Variants in GRM7 observed in about 807,000 individuals in gnomAD.
GRM7 encodes glutamate metabotropic receptor 7.
Under a neutral mutation model 84.5 loss-of-function variants are expected in GRM7, and 35 were observed. That is an observed-to-expected ratio of 0.41 (90% CI 0.32 to 0.55). GRM7 has a LOEUF of 0.55. Ranked by LOEUF, GRM7 falls within the 20% of genes least tolerant of loss-of-function variation. The pLI, the probability that GRM7 is intolerant of heterozygous loss-of-function variation, is 0.19. For missense variants in GRM7, 1,003 were observed against 1,194.6 expected (o/e 0.84, Z 2.36); for synonymous variants, 487 against 455.1 (o/e 1.07, Z -0.89).
chr3:7,736,912 G>A (rs1192199068), intron 9 of GRM7, among the ~76,000 whole-genome samples: 1 of 152,120 alleles, frequency 6.6e-6, no homozygotes, highest in Non-Finnish European at 1.5e-5. Context: ...ATAAGCTACA[G>A]TATTTCTTAT....
chr3:7,054,760 T>G (rs548378095), intron 1 of GRM7, among the ~76,000 whole-genome samples: 1 of 152,018 alleles, frequency 6.6e-6, no homozygotes, highest in East Asian at 1.9e-4. Flanking sequence ...TTTCTCTCTC[T>G]CTACCCATCG....
intron 2 of GRM7, among the ~76,000 whole-genome samples, chr3:7,193,697 T>C (rs771793204): frequency 3.3e-5 from 5 of 152,128 alleles, no homozygotes; most frequent in Non-Finnish European, 5.9e-5. Context: ...TCCCTTTTTC[T>C]GTCTTTCACT....
intron 7 of GRM7, among the ~76,000 whole-genome samples, chr3:7,557,757 A>G (rs969275040): frequency 7.2e-5 from 11 of 152,220 alleles, no homozygotes; most frequent in African/African-American, 2.7e-4. Flanking sequence ...AACTAAAATT[A>G]TTAAAAATAA....
intron 2 of GRM7, among the ~76,000 whole-genome samples, chr3:7,236,232 T>G (rs772572278): frequency 3.9e-5 from 6 of 152,198 alleles, no homozygotes; most frequent in Non-Finnish European, 5.9e-5. Context: ...ACATGAATAT[T>G]AGAGAGAAAC....
chr3:7,176,488 G>A (rs1400166), intron 2 of GRM7, among the ~76,000 whole-genome samples: 50,505 of 151,848 alleles, frequency 0.33, 9,148 homozygotes, highest in African/African-American at 0.49. Context: ...TCATCCTTTC[G>A]TCTTTATTCA....
In GRM7 at chr3:7,282,289, G is replaced by A. The variant is rs1699279619; in HGVS notation, c.737-16395G>A. ...GGTTAGAAGTCTAAAATATGCCTCA[G>A]TGGTCTAAAATCAACATGTCGGTGG... On this transcript the variant is annotated intron_variant, in intron 2 of 9. Transcript: ENST00000357716. Among the ~76,000 whole-genome samples, 6 of 152,282 alleles carry A rather than the reference G, an allele frequency of 3.9e-5. No individual in the cohort carries two copies. In the South Asian group the frequency reaches 1.2e-3, roughly 32 times the overall value.
At chr3:7,022,969 C>T (rs1353037475) in intron 1 of GRM7, among the ~76,000 whole-genome samples, 12 of 151,942 alleles carry the variant, frequency 7.9e-5, no homozygotes, top group Non-Finnish European at 1.8e-4. Context: ...CCCTTTTTCA[C>T]AGGGGAGAGT....
At chr3:7,180,966 A>G (rs1695317006) in intron 2 of GRM7, among the ~76,000 whole-genome samples, 1 of 152,162 alleles carries the variant, frequency 6.6e-6, no homozygotes, top group Admixed American at 6.5e-5. Flanking sequence ...TTACTTTGGA[A>G]TTGGGTAAAA....
intron 7 of GRM7, among the ~76,000 whole-genome samples, chr3:7,554,748 C>T (rs956654189): frequency 6.6e-6 from 1 of 152,162 alleles, no homozygotes; most frequent in East Asian, 1.9e-4. Context: ...TGAGGGCCTC[C>T]TCCCTTCTCT....
chr3:7,560,097 A>G (rs535031586), intron 7 of GRM7, among the ~76,000 whole-genome samples: 154 of 152,220 alleles, frequency 1.0e-3, no homozygotes, highest in Non-Finnish European at 1.9e-3. Flanking sequence ...AATCCCTACT[A>G]TCAGGCTTTA....
chr3:7,331,420 A>C (rs983740576), intron 4 of GRM7, among the ~76,000 whole-genome samples: 3 of 152,246 alleles, frequency 2.0e-5, no homozygotes, highest in African/African-American at 7.2e-5. Flanking sequence ...ATAATCAAAC[A>C]ATTTGAAGGA....
intron 7 of GRM7, among the ~76,000 whole-genome samples, chr3:7,502,406 T>C (rs995503048): frequency 9.2e-5 from 14 of 152,186 alleles, no homozygotes; most frequent in African/African-American, 3.1e-4. Flanking sequence ...ACAAAATAAG[T>C]CTGTTTTCTC....
intron 4 of GRM7, among the ~76,000 whole-genome samples, chr3:7,401,952 T>C (rs1348979182): frequency 6.6e-6 from 1 of 152,192 alleles, no homozygotes; most frequent in African/African-American, 2.4e-5. Flanking sequence ...GGATGTCCTA[T>C]AGAATCCAAG....
chr3:7,391,350 A>G (rs974294552), intron 4 of GRM7, among the ~76,000 whole-genome samples: 2 of 152,208 alleles, frequency 1.3e-5, no homozygotes, highest in African/African-American at 4.8e-5. Flanking sequence ...AAAATGTGGC[A>G]CATACACACC....
chr3:7,136,123 CT>C (rs1471148821), intron 1 of GRM7, among the ~76,000 whole-genome samples: 1 of 151,804 alleles, frequency 6.6e-6, no homozygotes, highest in African/African-American at 2.4e-5. Context: ...CATAATATTT[CT>C]TTTTTTATTA....
intron 2 of GRM7, among the ~76,000 whole-genome samples, chr3:7,288,687 G>A (rs1024201243): frequency 3.3e-5 from 5 of 152,058 alleles, no homozygotes; most frequent in African/African-American, 1.2e-4. Flanking sequence ...AGTGAAAGAA[G>A]CAATGAAGAA....
chr3:7,019,713 C>G (rs932462024), intron 1 of GRM7, among the ~76,000 whole-genome samples: 1 of 152,094 alleles, frequency 6.6e-6, no homozygotes, highest in African/African-American at 2.4e-5. Context: ...TAAAGAGTAA[C>G]CTGTGATGTG....
chr3:7,499,756 T>C (rs762368623), intron 7 of GRM7, among the ~76,000 whole-genome samples: 3 of 150,230 alleles, frequency 2.0e-5, no homozygotes, highest in Non-Finnish European at 3.0e-5. Context: ...AGTTTAATTG[T>C]AGAGTTGGCC....
At position 7,564,634 on chromosome 3, in the gene GRM7, C is replaced by T. The variant is rs573136450; in HGVS notation, c.1516-13788C>T. Reference sequence around the variant, plus strand: ...AGTTCTTTGCATGAAATGTATTGACCGTTGGAGCCATAATATATATATATT... The same window carrying T: ...AGTTCTTTGCATGAAATGTATTGACTGTTGGAGCCATAATATATATATATT... On this transcript the variant is annotated intron_variant, in intron 7 of 9. Transcript: ENST00000357716. Among the ~76,000 whole-genome samples the T allele has an allele frequency of 5.3e-5, 8 of 152,136 alleles. No individual in the cohort carries two copies. The South Asian group carries it at 6.2e-4, about 12-fold the overall frequency.
Sources: gnomAD v4.1 joint callset for allele counts (sites outside exome capture counted in the v4.1 genomes callset) on GRCh38, gnomAD v4.1.1 for gene constraint, MANE v1.5 for transcripts, NCBI Gene and HGNC (gene_info 2026-07-23, HGNC 2026-07-21) for gene names.